MAGI1: variants seen among roughly 807,000 people sequenced by gnomAD.
MAGI1 encodes the protein membrane-associated guanylate kinase, WW and PDZ domain-containing protein 1.
A neutral mutation model predicts 139.9 loss-of-function variants in MAGI1; 58 were observed. The observed-to-expected ratio is 0.41, with a 90% CI of 0.34 to 0.52. The LOEUF (loss-of-function observed/expected upper bound fraction) is 0.52. Ranked by LOEUF, MAGI1 falls within the 20% of genes least tolerant of loss-of-function variation. MAGI1 has a pLI of 0.12. For missense variants in MAGI1, 1,874 were observed against 1,901.6 expected, an observed-to-expected ratio of 0.99 and a Z score of 0.27; for synonymous variants, 812 against 737.9, an observed-to-expected ratio of 1.10 and a Z score of -1.63.
Position 65,674,678 on chromosome 3 carries a change from C to T in MAGI1, c.314-52590G>A, listed in dbSNP as rs1395681933. ...GTGCGCCCTTCACTTTTTCAGTATTCCCACTCCTGCTGGCCCCAGGTGTTC... is the reference window on the plus strand; with the variant it reads ...GTGCGCCCTTCACTTTTTCAGTATTTCCACTCCTGCTGGCCCCAGGTGTTC... On this transcript the variant is annotated intron_variant, in intron 1 of 22. Transcript: ENST00000402939. 2.0e-5 allele frequency among the ~76,000 whole-genome samples: 3 copies of T among 152,226 alleles called. No individual in the cohort carries two copies. In the East Asian group the frequency reaches 5.8e-4, roughly 29 times the overall value.
At chr3:65,692,876 G>A (rs1375304082) in intron 1 of MAGI1, among the ~76,000 whole-genome samples, 1 of 152,078 alleles carries the variant, frequency 6.6e-6, no homozygotes, top group Non-Finnish European at 1.5e-5. Context: ...ATCAAATGGG[G>A]TCCTAGACCT....
At chr3:65,487,056 C>G (rs13099425) in intron 3 of MAGI1, among the ~76,000 whole-genome samples, 33,172 of 152,132 alleles carry the variant, frequency 0.22, 3,748 homozygotes, top group Middle Eastern at 0.25. Flanking sequence ...CCATCACCAA[C>G]GTGGTTCAAA....
intron 2 of MAGI1, among the ~76,000 whole-genome samples, chr3:65,562,491 T>C (rs1381897852): frequency 1.3e-5 from 2 of 152,210 alleles, no homozygotes; most frequent in Non-Finnish European, 2.9e-5. Flanking sequence ...GTTGTGTTTT[T>C]TGTTTTTGTT....
rs1041892036 is a variant in MAGI1 at position 65,353,753 on chromosome 3, G to A, written c.*2625C>T. On this transcript the variant is annotated 3_prime_UTR_variant, in exon 23 of 23. Coordinates refer to ENST00000402939, the MANE Select transcript of MAGI1 (RefSeq NM_001033057.2). ...ATCAAGACATTTACATTAAGTGGGG[G>A]AGGGGGGCGGCGGGATTAAGGAAAG... The A allele has an allele frequency of 6.6e-6, 1 of 152,162 alleles. No homozygotes were observed. Among genetic ancestry groups the A allele is most frequent in the African/African-American group, 2.4e-5 (1 of 41,426 alleles). The allele number at this position is 152,162 out of a possible 1,614,324, so 9.4% of individuals were successfully genotyped here.
At chr3:65,692,642 G>T (rs1044957921) in intron 1 of MAGI1, among the ~76,000 whole-genome samples, 3 of 152,186 alleles carry the variant, frequency 2.0e-5, no homozygotes, top group Non-Finnish European at 4.4e-5. Flanking sequence ...TTGTCCCACA[G>T]TGCAACTGTG....
At chr3:65,888,649 C>T (rs1288267320) in intron 1 of MAGI1, among the ~76,000 whole-genome samples, 2 of 152,076 alleles carry the variant, frequency 1.3e-5, no homozygotes, top group South Asian at 2.1e-4. Flanking sequence ...AGTACATACA[C>T]ATTTAAGAAT....
chr3:65,683,675 T>TATAC (rs1165612364), intron 1 of MAGI1, among the ~76,000 whole-genome samples: 1 of 90,950 alleles, frequency 1.1e-5, no homozygotes, highest in Admixed American at 1.3e-4. Context: ...TATATATATA[T>TATAC]ATGTATGGCA....
chr3:65,515,595 C>A (rs943247195), intron 2 of MAGI1, among the ~76,000 whole-genome samples: 5 of 152,282 alleles, frequency 3.3e-5, no homozygotes, highest in Middle Eastern at 3.4e-3. Flanking sequence ...ATGCTGTAGA[C>A]AATGTAGAAT....
intron 2 of MAGI1, among the ~76,000 whole-genome samples, chr3:65,564,297 C>G (rs1348232565): frequency 6.6e-6 from 1 of 151,538 alleles, no homozygotes; most frequent in African/African-American, 2.4e-5. Flanking sequence ...TTTCAAGATT[C>G]TTTCCTTCCT....
chr3:65,852,102 A>G (rs2059224278), intron 1 of MAGI1, among the ~76,000 whole-genome samples: 1 of 152,208 alleles, frequency 6.6e-6, no homozygotes. Flanking sequence ...AACCAGGAAG[A>G]TATCTGGTAG....
At chr3:65,693,703 T>G (rs115475078) in intron 1 of MAGI1, among the ~76,000 whole-genome samples, 2 of 151,786 alleles carry the variant, frequency 1.3e-5, no homozygotes, top group African/African-American at 2.4e-5. Context: ...AGAACAGTTT[T>G]TTTTTGTTTT....
intron 4 of MAGI1, among the ~76,000 whole-genome samples, chr3:65,472,734 G>A (rs920936633): frequency 3.9e-5 from 6 of 152,188 alleles, no homozygotes; most frequent in Non-Finnish European, 5.9e-5. Flanking sequence ...GGTCTAGGCT[G>A]AAGGGAGCTG....
At chr3:66,018,664 C>T (rs574204278) in intron 1 of MAGI1, among the ~76,000 whole-genome samples, 2 of 152,258 alleles carry the variant, frequency 1.3e-5, no homozygotes, top group East Asian at 3.9e-4. Context: ...CTTTGGTGGC[C>T]GCTGATGGGC....
intron 1 of MAGI1, among the ~76,000 whole-genome samples, chr3:66,018,886 G>T (rs922646970): frequency 1.3e-5 from 2 of 152,182 alleles, no homozygotes; most frequent in African/African-American, 4.8e-5. Context: ...AAGCCACAGT[G>T]TGTCTCCATT....
At chr3:65,869,666 C>G (rs1474343725) in intron 1 of MAGI1, among the ~76,000 whole-genome samples, 2 of 152,082 alleles carry the variant, frequency 1.3e-5, no homozygotes, top group East Asian at 3.9e-4. Flanking sequence ...TCCCAAAGTG[C>G]TGGAATTACA....
intron 1 of MAGI1, among the ~76,000 whole-genome samples, chr3:65,727,894 T>C (rs547224843): frequency 6.4e-4 from 98 of 152,324 alleles, no homozygotes; most frequent in African/African-American, 2.3e-3. Context: ...CTTTTAAGGA[T>C]GATATATCAA....
intron 16 of MAGI1, among the ~76,000 whole-genome samples, chr3:65,380,225 C>G (rs2106890286): frequency 6.6e-6 from 1 of 152,334 alleles, no homozygotes; most frequent in Admixed American, 6.5e-5. Context: ...GTAAAGCACT[C>G]CTAAATAGCC....
chr3:65,846,345 A>C lies in MAGI1; in HGVS notation c.313+191651T>G, dbSNP rs28707046. 8.4e-3 allele frequency among the ~76,000 whole-genome samples: 1,280 copies of C among 152,288 alleles called. 15 individuals are homozygous for C. Among genetic ancestry groups the C allele is most frequent in the African/African-American group, 0.029 (1,198 of 41,560 alleles). ...AAGTGAATAGCAGCTGGAAAGGGAA[A>C]CTTCACCCCAAACTCTGCAAAATTG... On this transcript the variant is annotated intron_variant, in intron 1 of 22. Coordinates refer to ENST00000402939, the MANE Select transcript of MAGI1 (RefSeq NM_001033057.2).
rs1178104727 is a variant in MAGI1, at chr3:65,794,860, A to AC, written c.314-172773dup. On this transcript the variant is annotated intron_variant, in intron 1 of 22. Coordinates refer to ENST00000402939, the MANE Select transcript of MAGI1 (RefSeq NM_001033057.2). ...CCTCATCAGGAAAAAAAAAAAAAAA[A>AC]CCCACAAACTATCCGGGTATAAGAT... Among the ~76,000 whole-genome samples the AC allele has an allele frequency of 3.5e-4, 49 of 141,876 alleles. 1 individual carries two copies. In the South Asian group the frequency reaches 0.011, roughly 31 times the overall value. 93.1% of individuals were successfully genotyped at this position (141,876 alleles called of 152,430 possible).
Sources: gnomAD v4.1 joint callset for allele counts (sites outside exome capture counted in the v4.1 genomes callset) on GRCh38, gnomAD v4.1.1 for gene constraint, MANE v1.5 for transcripts, NCBI Gene and HGNC (gene_info 2026-07-23, HGNC 2026-07-21) for gene names.